Variants in NAA38 observed in about 807,000 individuals in gnomAD.
NAA38 encodes LSM domain containing 1.
Under a neutral mutation model 12.6 loss-of-function variants are expected in NAA38, and 15 were observed. The observed-to-expected ratio is 1.19, with a 90% CI of 0.79 to 1.83. The LOEUF is 1.83. Ranked by LOEUF, NAA38 falls within the 40% of genes most tolerant of loss-of-function variation. The pLI, the probability that NAA38 is intolerant of heterozygous loss-of-function variation, is 0.00. For missense variants in NAA38, 183 were observed against 171.7 expected (o/e 1.07, Z -0.37); for synonymous variants, 88 against 69.9 (o/e 1.26, Z -1.29).
upstream of NAA38, chr17:7,857,930 G>T (rs541705786): frequency 2.6e-5 from 37 of 1,427,768 alleles, no homozygotes; most frequent in South Asian, 5.0e-4. Context: ...CTCATACTAC[G>T]TTTCCCGTGA....
chr17:7,858,083 C>T (rs2078846533), upstream of NAA38: 5 of 1,606,342 alleles, frequency 3.1e-6, no homozygotes, highest in Non-Finnish European at 4.2e-6. Flanking sequence ...TGAGTACGTG[C>T]TGAGGAGCAA....
chr17:7,869,489 C>T (rs971566308), intron 2 of NAA38, among the ~76,000 whole-genome samples: 3 of 152,122 alleles, frequency 2.0e-5, no homozygotes, highest in East Asian at 3.9e-4. Context: ...CAGTCGAGTG[C>T]GGTGGCTCAT....
chr17:7,866,319 A>T (rs1966978113), intron 3 of NAA38, among the ~76,000 whole-genome samples: 1 of 135,174 alleles, frequency 7.4e-6, no homozygotes, highest in Non-Finnish European at 1.5e-5. Flanking sequence ...CGTGTTAGCC[A>T]GGATGGTCTT....
At chr17:7,859,514 C>G, upstream of NAA38, 1 of 1,614,068 alleles carries the variant, frequency 6.2e-7, no homozygotes, top group Non-Finnish European at 8.5e-7. Flanking sequence ...GAATGGGATC[C>G]GGGATGAGGA....
At chr17:7,866,469 A>C (rs1966985322) in intron 3 of NAA38, 1 of 1,231,434 alleles carries the variant, frequency 8.1e-7, no homozygotes, top group African/African-American at 1.6e-5. Flanking sequence ...ACTTCTCTTA[A>C]GATGAACTTA....
At chr17:7,869,705 G>C (rs1392817668) in intron 2 of NAA38, among the ~76,000 whole-genome samples, 1 of 151,756 alleles carries the variant, frequency 6.6e-6, no homozygotes, top group African/African-American at 2.4e-5. Flanking sequence ...AGAGGTTGCA[G>C]TGAGCCGAGA....
upstream of NAA38, chr17:7,857,854 C>A: frequency 7.3e-7 from 1 of 1,375,104 alleles, no homozygotes. Flanking sequence ...TCGTTCTCTG[C>A]CCCACCCCGC....
At chr17:7,885,305 C>CT, upstream of NAA38, 1 of 188,112 alleles carries the variant, frequency 5.3e-6, no homozygotes, top group South Asian at 1.6e-4. Context: ...CCGCACCCCT[C>CT]CCCCGCCGCC....
chr17:7,858,006 G>T (rs141207743), upstream of NAA38: 5 of 1,520,184 alleles, frequency 3.3e-6, no homozygotes, highest in African/African-American at 6.9e-5. Flanking sequence ...AAAGGACAAT[G>T]GTTTCCATGT....
intron 2 of NAA38, among the ~76,000 whole-genome samples, chr17:7,881,112 T>C (rs1967264177): frequency 6.6e-6 from 1 of 152,100 alleles, no homozygotes; most frequent in Non-Finnish European, 1.5e-5. Context: ...GACTTTTCTC[T>C]GGAGCAGTAT....
chr17:7,861,017 CAG>C (rs1161673546), upstream of NAA38: 1 of 152,114 alleles, frequency 6.6e-6, no homozygotes, highest in Non-Finnish European at 1.5e-5. Context: ...GGGAGCTCGA[CAG>C]GGGTAATGTA....
At chr17:7,867,210 G>C (rs1012222404) in intron 2 of NAA38, among the ~76,000 whole-genome samples, 2 of 152,136 alleles carry the variant, frequency 1.3e-5, no homozygotes, top group Non-Finnish European at 2.9e-5. Context: ...AAGCCAATGA[G>C]AGACGCTGAG....
chr17:7,884,911 GGT>G, intron 1 of NAA38: 1 of 1,418,754 alleles, frequency 7.0e-7, no homozygotes, highest in East Asian at 3.0e-5. Flanking sequence ...AGGAGGAGGA[GGT>G]GGAGGCGGCC....
intron 2 of NAA38, 56 bp downstream of exon 2, chr17:7,856,959 C>T: frequency 3.2e-6 from 5 of 1,586,626 alleles, no homozygotes; most frequent in Non-Finnish European, 3.4e-6. Context: ...AGGGGAAATG[C>T]CTTGCGTAAG....
At chr17:7,880,404 G>A (rs1275028107) in intron 2 of NAA38, among the ~76,000 whole-genome samples, 1 of 152,238 alleles carries the variant, frequency 6.6e-6, no homozygotes, top group African/African-American at 2.4e-5. Flanking sequence ...AGTGCATTGT[G>A]TGTAGAAGTT....
At chr17:7,885,307 C>CCGCCGCCGCCGCCGCCGCCGCCGCCGCCG (rs1967659125), upstream of NAA38, 14 of 157,276 alleles carry the variant, frequency 8.9e-5, no homozygotes, top group East Asian at 2.4e-4. Flanking sequence ...GCACCCCTCC[C>CCGCCGCCGCCGCCGCCGCCGCCGCCGCCG]CCGCCGCCGC....
chr17:7,879,787 A>G (rs2151392733), intron 2 of NAA38, among the ~76,000 whole-genome samples: 1 of 152,294 alleles, frequency 6.6e-6, no homozygotes, highest in South Asian at 2.1e-4. Flanking sequence ...ACAAGCAGCT[A>G]GACAGTGAGA....
intron 3 of NAA38, chr17:7,866,083 CT>C (rs555845058): frequency 0.038 from 4,672 of 122,426 alleles, 39 homozygotes; most frequent in African/African-American, 0.071. Flanking sequence ...CCATGGGGAA[CT>C]TTTTTTTTTT....
At chr17:7,875,225 T>C (rs1967155166) in intron 2 of NAA38, among the ~76,000 whole-genome samples, 1 of 152,018 alleles carries the variant, frequency 6.6e-6, no homozygotes, top group Non-Finnish European at 1.5e-5. Flanking sequence ...CAAAAAACCC[T>C]CCATAAGTAA....
Sources: gnomAD v4.1 joint callset for allele counts (sites outside exome capture counted in the v4.1 genomes callset) on GRCh38, gnomAD v4.1.1 for gene constraint, MANE v1.5 for transcripts, NCBI Gene and HGNC (gene_info 2026-07-23, HGNC 2026-07-21) for gene names.